The following PPFIA2 variants were observed in gnomAD, a reference collection of about 807,000 sequenced individuals.
PPFIA2 encodes PPFI scaffold protein A2, also known as liprin-alpha-2.
PPFIA2 carries 46 observed loss-of-function variants against 175.5 expected under a neutral mutation model. The observed-to-expected ratio is 0.26, with a 90% CI of 0.21 to 0.34. PPFIA2 has a LOEUF of 0.34. Among genes scored for constraint, PPFIA2 ranks in the 10% least tolerant of loss-of-function variants. The probability of loss-of-function intolerance (pLI) is 1.00; values close to 1 mark genes in which losing one functional copy is unlikely to be tolerated. For missense variants in PPFIA2, 1,179 were observed against 1,506.1 expected (o/e 0.78, Z 3.60); for synonymous variants, 568 against 511.4 (o/e 1.11, Z -1.49).
At chr12:81,521,692 C>A (rs556976232) in intron 4 of PPFIA2, among the ~76,000 whole-genome samples, 1 of 148,934 alleles carries the variant, frequency 6.7e-6, no homozygotes, top group African/African-American at 2.5e-5. Flanking sequence ...TGGTGGCGGG[C>A]GCCTGTAGTC....
intron 4 of PPFIA2, among the ~76,000 whole-genome samples, chr12:81,614,524 C>T (rs1213613379): frequency 6.6e-6 from 1 of 152,106 alleles, no homozygotes; most frequent in Non-Finnish European, 1.5e-5. Context: ...ATTGGTTTTA[C>T]AGGAACAAGA....
chr12:81,752,439 G>T lies in PPFIA2; in HGVS notation c.249+1534C>A, dbSNP rs1466980922. ...TTTTCCTTAAAAAATATAATATTTGGTGTAGCTATCTAGCTGCCTTTTGAA... is the reference window on the plus strand; with the variant it reads ...TTTTCCTTAAAAAATATAATATTTGTTGTAGCTATCTAGCTGCCTTTTGAA... On this transcript the variant is annotated intron_variant, in intron 3 of 32. Transcript: ENST00000549396. Among the ~76,000 whole-genome samples, 3 of 152,144 alleles carry T rather than the reference G, an allele frequency of 2.0e-5. No individual in the cohort carries two copies. The South Asian group carries it at 6.2e-4, about 31-fold the overall frequency.
chr12:81,298,890 G>A (rs1400981673), intron 23 of PPFIA2, among the ~76,000 whole-genome samples: 1 of 152,120 alleles, frequency 6.6e-6, no homozygotes. Context: ...TACAGGCAAA[G>A]GAATGTCTCT....
chr12:81,259,725 T>C, intron 32 of PPFIA2, 65 bp from the exon 33 acceptor site: 1 of 1,412,832 alleles, frequency 7.1e-7, no homozygotes, highest in South Asian at 1.2e-5. Context: ...CTCATTCTAC[T>C]CCTCTGTGGT....
intron 4 of PPFIA2, among the ~76,000 whole-genome samples, chr12:81,573,692 C>T (rs1309094872): frequency 6.6e-6 from 1 of 151,806 alleles, no homozygotes; most frequent in African/African-American, 2.4e-5. Flanking sequence ...GTATACTCCC[C>T]CAAAGAGAAC....
chr12:81,646,593 C>T (rs929635528), intron 4 of PPFIA2, among the ~76,000 whole-genome samples: 6 of 152,182 alleles, frequency 3.9e-5, no homozygotes, highest in African/African-American at 1.2e-4. Context: ...GGAAGAGGAA[C>T]ATTTTGACAA....
chr12:81,528,277 G>T (rs569330427), intron 4 of PPFIA2, among the ~76,000 whole-genome samples: 1 of 152,030 alleles, frequency 6.6e-6, no homozygotes, highest in Non-Finnish European at 1.5e-5. Flanking sequence ...CAAGAACTCA[G>T]ATAGTGATAT....
intron 2 of PPFIA2, among the ~76,000 whole-genome samples, chr12:81,756,856 C>A (rs1363140749): frequency 6.6e-6 from 1 of 152,064 alleles, no homozygotes; most frequent in Non-Finnish European, 1.5e-5. Context: ...CTAGTAGATA[C>A]TTTTGAACTC....
At chr12:81,412,638 A>T (rs2044195149) in intron 7 of PPFIA2, among the ~76,000 whole-genome samples, 1 of 151,944 alleles carries the variant, frequency 6.6e-6, no homozygotes, top group South Asian at 2.1e-4. Context: ...TATGCTTGAA[A>T]GGCTGAGGAT....
chr12:81,483,494 A>C (rs2146780514), intron 4 of PPFIA2, among the ~76,000 whole-genome samples: 1 of 152,238 alleles, frequency 6.6e-6, no homozygotes, highest in Admixed American at 6.6e-5. Context: ...CCATAGAGGA[A>C]GAAAGTAGCC....
At chr12:81,516,277 G>A (rs2062428797) in intron 4 of PPFIA2, among the ~76,000 whole-genome samples, 1 of 151,998 alleles carries the variant, frequency 6.6e-6, no homozygotes, top group African/African-American at 2.4e-5. Flanking sequence ...AGTTCTTGTT[G>A]AGATTAAATC....
At chr12:81,460,706 A>G (rs1333812651) in intron 4 of PPFIA2, among the ~76,000 whole-genome samples, 1 of 152,134 alleles carries the variant, frequency 6.6e-6, no homozygotes, top group Non-Finnish European at 1.5e-5. Context: ...GGCTTACATC[A>G]TCTTACAAAG....
At chr12:81,332,568 T>A (rs905317345) in intron 21 of PPFIA2, among the ~76,000 whole-genome samples, 2 of 152,166 alleles carry the variant, frequency 1.3e-5, no homozygotes, top group African/African-American at 2.4e-5. Context: ...AAAATTATAA[T>A]GTTTCTGTGT....
chr12:81,640,925 A>G (rs1158378844), intron 4 of PPFIA2, among the ~76,000 whole-genome samples: 2 of 152,160 alleles, frequency 1.3e-5, no homozygotes, highest in African/African-American at 4.8e-5. Flanking sequence ...AGTTGTTTGC[A>G]TAAGCCTAGT....
chr12:81,427,571 G>C (rs1371358042), intron 7 of PPFIA2, among the ~76,000 whole-genome samples: 1 of 151,692 alleles, frequency 6.6e-6, no homozygotes, highest in Non-Finnish European at 1.5e-5. Flanking sequence ...GAACAAATAA[G>C]GTATTTGTTT....
At chr12:81,269,712 C>T (rs2038499849) in intron 28 of PPFIA2, among the ~76,000 whole-genome samples, 1 of 152,174 alleles carries the variant, frequency 6.6e-6, no homozygotes, top group Non-Finnish European at 1.5e-5. Context: ...GCTTTTCATA[C>T]ATAAAATCAC....
chr12:81,452,684 A>G (rs916656319), intron 5 of PPFIA2, among the ~76,000 whole-genome samples: 2 of 152,202 alleles, frequency 1.3e-5, no homozygotes, highest in African/African-American at 4.8e-5. Context: ...TTTTCTACCC[A>G]TTGATGAAAT....
intron 5 of PPFIA2, among the ~76,000 whole-genome samples, chr12:81,450,261 G>A (rs937461976): frequency 1.3e-5 from 2 of 152,174 alleles, no homozygotes; most frequent in African/African-American, 4.8e-5. Flanking sequence ...CACCAACAGT[G>A]CAAAAGTGTT....
chr12:81,417,853 A>T (rs1015791622), intron 7 of PPFIA2, among the ~76,000 whole-genome samples: 3 of 151,812 alleles, frequency 2.0e-5, no homozygotes, highest in African/African-American at 7.2e-5. Flanking sequence ...ATTTGTCTCC[A>T]ACAAATTGCC....
Sources: gnomAD v4.1 joint callset for allele counts (sites outside exome capture counted in the v4.1 genomes callset) on GRCh38, gnomAD v4.1.1 for gene constraint, MANE v1.5 for transcripts, NCBI Gene and HGNC (gene_info 2026-07-23, HGNC 2026-07-21) for gene names.